ANKRD44: variants seen among roughly 807,000 people sequenced by gnomAD.
ANKRD44 encodes serine/threonine-protein phosphatase 6 regulatory ankyrin repeat subunit B.
In ANKRD44, 35 loss-of-function variants were observed where a neutral mutation model predicts 116.0. The observed-to-expected ratio is 0.30, with a 90% CI of 0.23 to 0.40. The LOEUF (loss-of-function observed/expected upper bound fraction) is 0.40, where lower values mean the gene tolerates loss of function less well. Ranked by LOEUF, ANKRD44 falls within the 10% of genes least tolerant of loss-of-function variation. The pLI is 1.00. For synonymous variants in ANKRD44, 435 were observed against 461.8 expected (o/e 0.94, Z 0.74); for missense variants, 1,014 against 1,242.6 (o/e 0.82, Z 2.77).
At chr2:197,042,305 T>G (rs2076924574) in intron 16 of ANKRD44, among the ~76,000 whole-genome samples, 1 of 152,200 alleles carries the variant, frequency 6.6e-6, no homozygotes, top group African/African-American at 2.4e-5. Flanking sequence ...ATTCACTTTC[T>G]GTGAGCTTTT....
intron 1 of ANKRD44, among the ~76,000 whole-genome samples, chr2:197,225,350 G>A (rs1470590121): frequency 1.3e-5 from 2 of 151,924 alleles, no homozygotes; most frequent in Non-Finnish European, 2.9e-5. Context: ...TCTTTTTGTT[G>A]TTGTTGTTGT....
chr2:197,097,126 C>G (rs2078179040), intron 10 of ANKRD44, among the ~76,000 whole-genome samples: 1 of 152,068 alleles, frequency 6.6e-6, no homozygotes, highest in South Asian at 2.1e-4. Flanking sequence ...AAATTGAAAG[C>G]AAAATAATTA....
Position 196,988,577 on chromosome 2 carries a change from C to A in ANKRD44, c.*1014G>T, listed in dbSNP as rs1160620531. 2.0e-6 allele frequency: 2 copies of A among 983,710 alleles called. No individual in the cohort carries two copies. The highest frequency in any genetic ancestry group is 3.5e-5 in the African/African-American group (2 of 57,190). The allele number at this position is 983,710 out of a possible 1,614,324, so 60.9% of individuals were successfully genotyped here. ...TAAGAGTAAGATTAAAGTTTTATAG[C>A]TAGATGAAAAATATAATACAGTTAT... On this transcript the variant is annotated 3_prime_UTR_variant, in exon 28 of 28. Coordinates refer to ENST00000282272, the MANE Select transcript of ANKRD44 (RefSeq NM_001195144.2).
chr2:197,138,082 C>T (rs1343870957), intron 3 of ANKRD44, among the ~76,000 whole-genome samples: 1 of 152,208 alleles, frequency 6.6e-6, no homozygotes, highest in Non-Finnish European at 1.5e-5. Context: ...CCAAGAGCCA[C>T]TAATCTGCAC....
chr2:197,192,443 T>C (rs2080846223), intron 1 of ANKRD44, among the ~76,000 whole-genome samples: 1 of 152,128 alleles, frequency 6.6e-6, no homozygotes, highest in African/African-American at 2.4e-5. Context: ...AGAAGGAAAA[T>C]TTGATATTCC....
intron 16 of ANKRD44, chr2:197,029,017 A>T (rs1220144410): frequency 6.4e-6 from 1 of 156,420 alleles, no homozygotes; most frequent in Non-Finnish European, 1.4e-5. Flanking sequence ...TCTAGGGTAC[A>T]TGTGCACAAC....
chr2:197,008,875 T>C (rs574782736), intron 19 of ANKRD44, 69 bp downstream of exon 19: 1 of 1,411,336 alleles, frequency 7.1e-7, no homozygotes, highest in African/African-American at 1.4e-5. Flanking sequence ...CTTGTAATGA[T>C]TTAAGAAACC....
At chr2:197,051,213 G>T (rs966230202) in intron 16 of ANKRD44, among the ~76,000 whole-genome samples, 1 of 151,906 alleles carries the variant, frequency 6.6e-6, no homozygotes, top group African/African-American at 2.4e-5. Context: ...TGCCTGCCTT[G>T]GCCTCCCAAA....
chr2:197,043,264 A>G (rs2076944303), intron 16 of ANKRD44, among the ~76,000 whole-genome samples: 2 of 152,220 alleles, frequency 1.3e-5, no homozygotes, highest in African/African-American at 4.8e-5. Flanking sequence ...GTAATTCTAT[A>G]TCATTCAGAA....
chr2:197,200,659 A>C (rs759446444), intron 1 of ANKRD44, among the ~76,000 whole-genome samples: 4 of 152,090 alleles, frequency 2.6e-5, no homozygotes, highest in Non-Finnish European at 5.9e-5. Context: ...CCCTGCCAAA[A>C]CACATACAAC....
intron 18 of ANKRD44, among the ~76,000 whole-genome samples, chr2:197,011,897 C>T (rs2076307947): frequency 6.6e-6 from 1 of 152,216 alleles, no homozygotes; most frequent in Non-Finnish European, 1.5e-5. Context: ...ATCTTTAGCT[C>T]TGCTGCCAAG....
intron 2 of ANKRD44, among the ~76,000 whole-genome samples, chr2:197,156,430 A>C (rs1168565320): frequency 1.3e-5 from 2 of 152,238 alleles, no homozygotes; most frequent in Non-Finnish European, 2.9e-5. Context: ...AAAATTGCTA[A>C]AATTAAAAGG....
chr2:197,141,920 A>AT (rs2079377694), intron 3 of ANKRD44, among the ~76,000 whole-genome samples: 1 of 152,170 alleles, frequency 6.6e-6, no homozygotes. Flanking sequence ...TTTATAGCTG[A>AT]TTTTTTCTAA....
chr2:197,188,746 T>C (rs941008137), intron 1 of ANKRD44, among the ~76,000 whole-genome samples: 13 of 142,240 alleles, frequency 9.1e-5, no homozygotes, highest in African/African-American at 3.3e-4. Context: ...TTGGTAATTA[T>C]GCACACACAC....
chr2:197,203,617 G>T lies in ANKRD44; in HGVS notation c.28-16511C>A, dbSNP rs2081140566. Among the ~76,000 whole-genome samples the T allele has an allele frequency of 6.6e-6, 1 of 152,174 alleles. No individual in the cohort carries two copies. Among genetic ancestry groups the T allele is most frequent in the African/African-American group, 2.4e-5 (1 of 41,438 alleles). On this transcript the variant is annotated intron_variant, in intron 1 of 27. Coordinates refer to ENST00000282272, the MANE Select transcript of ANKRD44 (RefSeq NM_001195144.2). The surrounding 1 kb of genome is among the most constrained non-coding windows in gnomAD (Gnocchi z 4.1). ...TCCACTGCTATGTGTATATCCCAAA[G>T]AACTGAAAATAGGTGTTGAAGCAAA...
chr2:197,283,847 G>A (rs542960938), intron 1 of ANKRD44, among the ~76,000 whole-genome samples: 20 of 152,266 alleles, frequency 1.3e-4, no homozygotes, highest in Admixed American at 1.1e-3. Flanking sequence ...GTAGTCTAGC[G>A]CAATGTCTGA....
At chr2:197,030,996 G>T (rs2076695842) in intron 16 of ANKRD44, among the ~76,000 whole-genome samples, 2 of 152,060 alleles carry the variant, frequency 1.3e-5, no homozygotes, top group Admixed American at 1.3e-4. Context: ...ATACAAGTTT[G>T]TATAGATGTT....
chr2:197,257,466 T>C (rs1157038369), intron 1 of ANKRD44, among the ~76,000 whole-genome samples: 1 of 151,996 alleles, frequency 6.6e-6, no homozygotes, highest in African/African-American at 2.4e-5. Context: ...AAAACAATCA[T>C]GACTTTCTTC....
chr2:197,102,079 CA>C (rs201087757), intron 9 of ANKRD44, among the ~76,000 whole-genome samples: 19 of 150,674 alleles, frequency 1.3e-4, no homozygotes, highest in Non-Finnish European at 2.5e-4. Context: ...AAAACAAAAA[CA>C]AAAAAAAATC....
Sources: allele counts gnomAD v4.1 joint callset (sites outside exome capture counted in the v4.1 genomes callset), GRCh38; gene constraint gnomAD v4.1.1; non-coding constraint Gnocchi (gnomAD v3.1); transcripts MANE v1.5; gene names NCBI Gene and HGNC (gene_info 2026-07-23, HGNC 2026-07-21).